RGS9: variants seen among roughly 807,000 people sequenced by gnomAD.
RGS9 encodes regulator of G-protein signalling 9.
A neutral mutation model predicts 102.0 loss-of-function variants in RGS9; 78 were observed. The ratio of observed to expected loss-of-function variants is 0.76; its 90% CI spans 0.64 to 0.92. RGS9 has a LOEUF of 0.92. Ranked by LOEUF, RGS9 falls within the 40% of genes least tolerant of loss-of-function variation. RGS9 has a pLI of 0.00. For synonymous variants in RGS9, 353 were observed against 318.6 expected (o/e 1.11, Z -1.15); for missense variants, 833 against 866.1 (o/e 0.96, Z 0.48).
rs551357613 is a variant in RGS9, at chr17:65,177,666, C to T, written c.583-66C>T. 131 of 1,461,324 alleles carry T rather than the reference C, an allele frequency of 9.0e-5. No individual in the cohort carries two copies. In the African/African-American group the frequency reaches 1.6e-3, roughly 18 times the overall value. The allele number at this position is 1,461,324 out of a possible 1,614,324, so 90.5% of individuals were successfully genotyped here. A position where few individuals can be genotyped will look rare whatever the true frequency, so the allele number is the denominator to read the frequency against. ...CTCACAATTGGCAGATTAACCAAGA[C>T]CCACAGTTAACCAGAAACTGGAGAC... On this transcript the variant is annotated intron_variant, in intron 8 of 18. Coordinates refer to ENST00000262406, the MANE Select transcript of RGS9 (RefSeq NM_003835.4).
At position 65,223,976 on chromosome 17, in the gene RGS9, CG is replaced by C. The variant is rs369440992; in HGVS notation, c.1408-1025del. On this transcript the variant is annotated intron_variant, in intron 17 of 18. Coordinates refer to ENST00000262406, the MANE Select transcript of RGS9 (RefSeq NM_003835.4). ...TTCTTCATGTTGGCCAGGCTGGTCT[CG>C]AACTCCTGACCTCAGGTTATCCACC... 6.5e-3 allele frequency among the ~76,000 whole-genome samples: 991 copies of C among 151,676 alleles called. 8 individuals are homozygous for C. Among genetic ancestry groups the C allele is most frequent in the Non-Finnish European group, 9.2e-3 (624 of 67,880 alleles).
chr17:65,199,184 T>C (rs932696873), intron 13 of RGS9, among the ~76,000 whole-genome samples: 2 of 152,248 alleles, frequency 1.3e-5, no homozygotes, highest in Non-Finnish European at 2.9e-5. Flanking sequence ...ATTAACTTTT[T>C]AAAAGTGTAC....
intron 1 of RGS9, among the ~76,000 whole-genome samples, chr17:65,149,142 GTT>G (rs1042364488): frequency 1.4e-5 from 2 of 140,224 alleles, no homozygotes; most frequent in African/African-American, 5.6e-5. Context: ...TTTTTTTGTT[GTT>G]GTTATGTTTA....
At chr17:65,177,835 C>A (rs144032342) in intron 9 of RGS9, 32 bp downstream of exon 9, 5 of 1,587,932 alleles carry the variant, frequency 3.1e-6, no homozygotes, top group Admixed American at 3.3e-5. Context: ...TGGGTAGGGC[C>A]TAGGTCGGAT....
intron 1 of RGS9, among the ~76,000 whole-genome samples, chr17:65,146,378 A>C (rs1316064666): frequency 1.3e-5 from 2 of 150,166 alleles, no homozygotes; most frequent in Non-Finnish European, 3.0e-5. Flanking sequence ...TCACGAGGTC[A>C]AGAGATCAAG....
chr17:65,147,834 G>A (rs901248297), intron 1 of RGS9, among the ~76,000 whole-genome samples: 3 of 151,846 alleles, frequency 2.0e-5, no homozygotes, highest in Non-Finnish European at 4.4e-5. Context: ...CAAATGATCT[G>A]TCTGCCTTAC....
chr17:65,154,489 T>C (rs1489261705), intron 2 of RGS9, among the ~76,000 whole-genome samples: 2 of 152,198 alleles, frequency 1.3e-5, no homozygotes, highest in African/African-American at 4.8e-5. Flanking sequence ...TTTGTTGTTT[T>C]GTTTGCTTTG....
intron 12 of RGS9, 71 bp from the exon 13 acceptor site, chr17:65,197,055 C>G (rs2144080117): frequency 1.9e-6 from 2 of 1,052,610 alleles, no homozygotes; most frequent in South Asian, 1.3e-5. Context: ...ACTAAAGGCC[C>G]TCACCCCAAC....
In RGS9 at chr17:65,158,328, T is replaced by C. The variant is rs777814582; in HGVS notation, c.188T>C (p.Leu63Pro). The C allele has an allele frequency of 6.2e-7, 1 of 1,614,174 alleles. No individual in the cohort carries two copies. ...GTTCTGCAATGGATCGTCCAGCGGCTTTGGATCTCCAGTCTGGGTGAGAGC... is the reference window on the plus strand; with the variant it reads ...GTTCTGCAATGGATCGTCCAGCGGCCTTGGATCTCCAGTCTGGGTGAGAGC... The part of the protein sequence containing the change: ...SDVLQWIVQR[L>P]WISSLEAQNL... The change falls in exon 3 of 19, where the codon CTT (leucine) becomes CCT (proline). Residue 63 changes from leucine (L) to proline (P), a missense_variant. Leu to Pro is a moderately conservative substitution (Grantham distance 98). Around this residue, in one of 3 missense-constraint regions of RGS9, gnomAD observed 328 missense variants for 340.6 expected, o/e 0.96. Transcript: ENST00000262406.
chr17:65,173,161 A>T lies in RGS9; in HGVS notation c.583-4571A>T, dbSNP rs557404662. ...CTGGTCTCGAACTCCTGACCTCATG[A>T]TCTGCCGGCCTCAGGCTTTCAAAGT... On this transcript the variant is annotated intron_variant, in intron 8 of 18. Transcript: ENST00000262406. The surrounding 1 kb of genome is among the most constrained non-coding windows in gnomAD (Gnocchi z 4.8). 3.3e-5 allele frequency among the ~76,000 whole-genome samples: 5 copies of T among 151,936 alleles called. No homozygotes were observed. Among genetic ancestry groups the T allele is most frequent in the Admixed American group, 3.3e-4 (5 of 15,272 alleles).
At chr17:65,186,431 G>C (rs1005945824) in intron 9 of RGS9, among the ~76,000 whole-genome samples, 3 of 152,004 alleles carry the variant, frequency 2.0e-5, no homozygotes, top group African/African-American at 7.3e-5. Context: ...TGGCCAGGCT[G>C]ACCTTAGATG....
rs1912263953 is a variant in RGS9, at chr17:65,189,308, A to G, written c.677A>G (p.Lys226Arg). The G allele has an allele frequency of 6.2e-7, 1 of 1,610,814 alleles. No homozygotes were observed. Among genetic ancestry groups the G allele is most frequent in the Non-Finnish European group, 8.5e-7 (1 of 1,177,172 alleles). ...VNQKQTVVAV[K>R]KEIMYYQQAL... ...CAGAAACAAACAGTCGTTGCTGTCA[A>G]AAAAGAGGTAATTAGTCTTACACTT... Residue 226 changes from lysine to arginine, a missense_variant, in exon 10 of 19, where the codon AAA becomes AGA. Physicochemically the swap from Lys to Arg is conservative, Grantham distance 26 (BLOSUM62 2). Around this residue, in one of 3 missense-constraint regions of RGS9, gnomAD observed 328 missense variants for 340.6 expected, o/e 0.96. Transcript: ENST00000262406.
At chr17:65,138,820 T>C (rs1335027504) in intron 1 of RGS9, among the ~76,000 whole-genome samples, 1 of 152,060 alleles carries the variant, frequency 6.6e-6, no homozygotes, top group Admixed American at 6.5e-5. Context: ...ATAAATTCAG[T>C]TTGTTTATTG....
intron 10 of RGS9, 102 bp downstream of exon 10, chr17:65,189,417 C>A (rs16960958): frequency 0.029 from 25,422 of 875,912 alleles, 624 homozygotes; most frequent in African/African-American, 0.089. Flanking sequence ...ATGAAAACCA[C>A]GTGCAATGTT....
chr17:65,210,805 T>A, intron 17 of RGS9, 200 bp downstream of exon 17: 1 of 875,782 alleles, frequency 1.1e-6, no homozygotes, highest in South Asian at 1.7e-5. Context: ...CATGGGGGAC[T>A]TCCTAATACC....
chr17:65,172,521 G>A (rs1040186259), intron 8 of RGS9, among the ~76,000 whole-genome samples: 2 of 152,088 alleles, frequency 1.3e-5, no homozygotes, highest in African/African-American at 4.8e-5. Context: ...TAAAACCAGG[G>A]TGGGTGGAAT....
chr17:65,174,384 T>C (rs186871558), intron 8 of RGS9, among the ~76,000 whole-genome samples: 1 of 152,200 alleles, frequency 6.6e-6, no homozygotes, highest in African/African-American at 2.4e-5. Flanking sequence ...TGCATGTCAG[T>C]ATGTCTGGGT....
At chr17:65,215,536 CTTTCTTTCT>C (rs1567893384) in intron 17 of RGS9, among the ~76,000 whole-genome samples, 1 of 128,872 alleles carries the variant, frequency 7.8e-6, no homozygotes, top group Non-Finnish European at 1.6e-5. Flanking sequence ...TTCTTTCTTT[CTTTCTTTCT>C]TTTTTTTTGT....
chr17:65,183,778 C>G (rs534688763), intron 9 of RGS9, among the ~76,000 whole-genome samples: 3 of 152,198 alleles, frequency 2.0e-5, no homozygotes, highest in African/African-American at 7.2e-5. Flanking sequence ...ACCTGCCTGG[C>G]TACCCCATCC....
Sources: gnomAD v4.1 joint callset for allele counts (sites outside exome capture counted in the v4.1 genomes callset) on GRCh38, gnomAD v4.1.1 for gene constraint, gnomAD v4.1.1 regional missense constraint, Gnocchi (gnomAD v3.1) non-coding constraint, MANE v1.5 for transcripts, NCBI Gene and HGNC (gene_info 2026-07-23, HGNC 2026-07-21) for gene names.